EHMT1: variants seen among roughly 807,000 people sequenced by gnomAD.
EHMT1 encodes euchromatic histone lysine methyltransferase 1.
In EHMT1, 15 loss-of-function variants were observed where a neutral mutation model predicts 147.2. The observed-to-expected ratio is 0.10, with a 90% CI of 0.07 to 0.16. The LOEUF is 0.16. EHMT1 is among the 10% of genes least tolerant of loss of function. The pLI is 1.00. For missense variants in EHMT1, 1,587 were observed against 1,772.4 expected, an observed-to-expected ratio of 0.90 and a Z score of 1.88; for synonymous variants, 795 against 709.6, an observed-to-expected ratio of 1.12 and a Z score of -1.91.
At chr9:137,832,407 C>T (rs563792022) in intron 25 of EHMT1, among the ~76,000 whole-genome samples, 1 of 151,100 alleles carries the variant, frequency 6.6e-6, no homozygotes, top group East Asian at 1.9e-4. Context: ...GGCCCCGCCT[C>T]CCACGTGGCC....
At chr9:137,766,844 C>A (rs1031573769) in intron 10 of EHMT1, among the ~76,000 whole-genome samples, 2 of 151,882 alleles carry the variant, frequency 1.3e-5, no homozygotes, top group Non-Finnish European at 2.9e-5. Flanking sequence ...TTTTATTTTT[C>A]GAGACAGGTT....
At chr9:137,833,383 C>T (rs766438543) in intron 25 of EHMT1, among the ~76,000 whole-genome samples, 29 of 152,378 alleles carry the variant, frequency 1.9e-4, no homozygotes, top group Admixed American at 9.1e-4. Flanking sequence ...CCAGTGTGCG[C>T]AGCAGGGGTT....
In EHMT1 at chr9:137,818,117, C is replaced by T. The variant is rs778384705; in HGVS notation, c.3519C>T (p.Tyr1173=). 6.2e-7 allele frequency: 1 copy of T among 1,614,180 alleles called. No individual in the cohort carries two copies. The highest frequency in any genetic ancestry group is 1.1e-5 in the South Asian group (1 of 91,074). Residue 1173 remains tyrosine (Y), a synonymous_variant, in exon 25 of 27, where the codon TAC becomes TAT. Transcript: ENST00000460843. ...CCGACGTTCGAGAGGAAGATTCTTACCTCTTTGATCTCGACAATAAGGTAA... is the reference window on the plus strand; with the variant it reads ...CCGACGTTCGAGAGGAAGATTCTTATCTCTTTGATCTCGACAATAAGGTAA... ...SEADVREEDS[Y]LFDLDNKDGE...
At chr9:137,654,945 G>C (rs1485128484) in intron 1 of EHMT1, among the ~76,000 whole-genome samples, 2 of 152,102 alleles carry the variant, frequency 1.3e-5, no homozygotes, top group Non-Finnish European at 2.9e-5. Context: ...AAGGACCTTG[G>C]TATTCAGGGA....
chr9:137,619,730 G>A (rs1842836669), intron 1 of EHMT1, among the ~76,000 whole-genome samples: 1 of 152,088 alleles, frequency 6.6e-6, no homozygotes, highest in Non-Finnish European at 1.5e-5. Flanking sequence ...ACATTCTTTT[G>A]TTAATGGTCT....
chr9:137,814,773 G>A (rs1954788878), intron 22 of EHMT1: 5 of 592,210 alleles, frequency 8.4e-6, no homozygotes, highest in South Asian at 3.9e-5. Flanking sequence ...GGTGGGCAGC[G>A]TCAGCCTGGC....
At chr9:137,807,239 AATT>A (rs936576390) in intron 18 of EHMT1, among the ~76,000 whole-genome samples, 90 of 152,024 alleles carry the variant, frequency 5.9e-4, no homozygotes, top group African/African-American at 2.1e-3. Context: ...TCAATTTTTA[AATT>A]ATTATTTTTT....
chr9:137,799,898 C>T (rs1310158880), intron 17 of EHMT1, among the ~76,000 whole-genome samples: 11 of 152,356 alleles, frequency 7.2e-5, no homozygotes, highest in South Asian at 6.2e-4. Flanking sequence ...TTCTCTCTGA[C>T]GTTGTACCCT....
rs528369898 is a variant in EHMT1 at position 137,690,193 on chromosome 9, G to A, written c.22-20774G>A. 1.2e-4 allele frequency among the ~76,000 whole-genome samples: 19 copies of A among 152,244 alleles called. 1 individual carries two copies. In the South Asian group the frequency reaches 2.1e-3, roughly 17 times the overall value. On this transcript the variant is annotated intron_variant, in intron 1 of 26. Transcript: ENST00000460843. ...GGGATTTCTCATGTATTTTGAAGGC[G>A]GAGACTAGATTTGCCGATGGACGTC...
At chr9:137,743,595 T>C (rs906629447) in intron 5 of EHMT1, 67 bp downstream of exon 5, 1 of 1,609,094 alleles carries the variant, frequency 6.2e-7, no homozygotes, top group African/African-American at 1.3e-5. Flanking sequence ...CAGGGCCTCG[T>C]TATCAGTAAT....
At chr9:137,681,255 T>C (rs1490490039) in intron 1 of EHMT1, among the ~76,000 whole-genome samples, 1 of 152,170 alleles carries the variant, frequency 6.6e-6, no homozygotes, top group Non-Finnish European at 1.5e-5. Flanking sequence ...TCTGCCACAT[T>C]TTCAGTGTTT....
chr9:137,713,765 C>T (rs1040755714), intron 2 of EHMT1, among the ~76,000 whole-genome samples: 11 of 151,728 alleles, frequency 7.2e-5, no homozygotes, highest in South Asian at 2.1e-4. Context: ...GCCTGGCCAA[C>T]GTGGTGAAAC....
chr9:137,756,174 TC>T (rs1949362146), intron 8 of EHMT1, among the ~76,000 whole-genome samples: 1 of 152,242 alleles, frequency 6.6e-6, no homozygotes, highest in South Asian at 2.1e-4. Flanking sequence ...ATCTGCAGGC[TC>T]CGCGCTTGCC....
At chr9:137,781,079 G>GACGACGCTGGGACGT (rs1951446987) in intron 14 of EHMT1, among the ~76,000 whole-genome samples, 1 of 115,886 alleles carries the variant, frequency 8.6e-6, no homozygotes, top group Admixed American at 7.9e-5. Flanking sequence ...CGGGATGTGT[G>GACGACGCTGGGACGT]GTGATGACGC....
intron 10 of EHMT1, among the ~76,000 whole-genome samples, chr9:137,774,280 A>AGGCGCATGTGAGTGGATGTG (rs1484086782): frequency 2.0e-5 from 3 of 152,250 alleles, no homozygotes; most frequent in East Asian, 3.8e-4. Context: ...GCCCTCTGGT[A>AGGCGCATGTGAGTGGATGTG]GGCGCATGTG....
intron 1 of EHMT1, among the ~76,000 whole-genome samples, chr9:137,639,192 T>C (rs895405616): frequency 3.9e-5 from 6 of 152,122 alleles, no homozygotes; most frequent in African/African-American, 7.2e-5. Flanking sequence ...GTCAGAATTA[T>C]ACTTTGTATA....
At chr9:137,635,548 C>T (rs574202861) in intron 1 of EHMT1, among the ~76,000 whole-genome samples, 58 of 150,034 alleles carry the variant, frequency 3.9e-4, no homozygotes, top group African/African-American at 1.2e-3. Context: ...GAGCTGGGCG[C>T]GGTGGCTCAC....
chr9:137,715,648 A>G (rs1256948025), intron 2 of EHMT1: 6 of 985,414 alleles, frequency 6.1e-6, no homozygotes, highest in Non-Finnish European at 7.2e-6. Flanking sequence ...GTGTGTGTCA[A>G]TCTCGTGATG....
chr9:137,635,995 C>G (rs915850469), intron 1 of EHMT1, among the ~76,000 whole-genome samples: 9 of 150,512 alleles, frequency 6.0e-5, no homozygotes, highest in Admixed American at 4.6e-4. Context: ...GATCTCGGTT[C>G]ACTGCAACCT....
Sources: allele counts gnomAD v4.1 joint callset (sites outside exome capture counted in the v4.1 genomes callset), GRCh38; gene constraint gnomAD v4.1.1; transcripts MANE v1.5; gene names NCBI Gene and HGNC (gene_info 2026-07-23, HGNC 2026-07-21).